ZNF148: variants seen among roughly 807,000 people sequenced by gnomAD.
ZNF148 encodes zinc finger protein 148.
In ZNF148, 7 loss-of-function variants were observed where a neutral mutation model predicts 67.7. The observed-to-expected ratio is 0.10, with a 90% CI of 0.06 to 0.19. ZNF148 has a LOEUF of 0.19. ZNF148 is among the 10% of genes least tolerant of loss of function. The pLI is 1.00. For missense variants in ZNF148, 583 were observed against 947.1 expected (o/e 0.62, Z 5.05); for synonymous variants, 333 against 330.7 (o/e 1.01, Z -0.08).
intron 4 of ZNF148, among the ~76,000 whole-genome samples, chr3:125,304,302 G>A (rs1289247570): frequency 1.3e-5 from 2 of 152,148 alleles, no homozygotes; most frequent in Non-Finnish European, 2.9e-5. Context: ...AGTCTAGATT[G>A]TGGGAAAAGG....
intron 1 of ZNF148, among the ~76,000 whole-genome samples, chr3:125,360,317 C>T (rs1000583495): frequency 6.6e-6 from 1 of 151,930 alleles, no homozygotes; most frequent in African/African-American, 2.4e-5. Flanking sequence ...GACAGGGTCT[C>T]ACTCTGTGGC....
At chr3:125,334,658 T>C (rs912967893) in intron 1 of ZNF148, among the ~76,000 whole-genome samples, 3 of 152,124 alleles carry the variant, frequency 2.0e-5, no homozygotes, top group African/African-American at 7.2e-5. Flanking sequence ...TTATTCACAT[T>C]TTACAGATGA....
intron 1 of ZNF148, among the ~76,000 whole-genome samples, chr3:125,336,462 G>C (rs1227470685): frequency 6.6e-6 from 1 of 152,136 alleles, no homozygotes; most frequent in Non-Finnish European, 1.5e-5. Context: ...TCTCTATAGA[G>C]TGACAATGCA....
At chr3:125,269,848 TA>T (rs1031316109) in intron 7 of ZNF148, among the ~76,000 whole-genome samples, 1 of 151,948 alleles carries the variant, frequency 6.6e-6, no homozygotes, top group Admixed American at 6.6e-5. Context: ...TGAATTAACA[TA>T]AAAAACAGAA....
intron 7 of ZNF148, among the ~76,000 whole-genome samples, chr3:125,258,313 T>C (rs1182732627): frequency 6.7e-6 from 1 of 150,256 alleles, no homozygotes; most frequent in East Asian, 2.0e-4. Flanking sequence ...TATTCCCAGC[T>C]ACTCGGGAGG....
At chr3:125,326,596 T>C (rs937432816) in intron 2 of ZNF148, among the ~76,000 whole-genome samples, 1 of 150,598 alleles carries the variant, frequency 6.6e-6, no homozygotes, top group Non-Finnish European at 1.5e-5. Context: ...TCTACCTGTA[T>C]CTATGCAAAG....
In ZNF148 at chr3:125,231,924, A is replaced by C. The variant is rs767191156; in HGVS notation, c.*417T>G. 3.7e-5 allele frequency: 6 copies of C among 160,800 alleles called. No individual in the cohort carries two copies. Among genetic ancestry groups the C allele is most frequent in the Non-Finnish European group, 5.5e-5 (4 of 72,646 alleles). 10.0% of individuals were successfully genotyped at this position (160,800 alleles called of 1,614,324 possible). A position where few individuals can be genotyped will look rare whatever the true frequency, so the allele number is the denominator to read the frequency against. On this transcript the variant is annotated 3_prime_UTR_variant, in exon 9 of 9. Coordinates refer to ENST00000360647, the MANE Select transcript of ZNF148 (RefSeq NM_021964.3). ...ACTTTTAAGTTCACTCTGTCTGTAAAGTATACTCAGATTCCCTGCTGAAGT... is the reference window on the plus strand; with the variant it reads ...ACTTTTAAGTTCACTCTGTCTGTAACGTATACTCAGATTCCCTGCTGAAGT...
rs926685585 is a variant in ZNF148 at position 125,277,772 on chromosome 3, A to G, written c.621T>C (p.Arg207=). 1 of 1,611,250 alleles carries G rather than the reference A, an allele frequency of 6.2e-7. No individual in the cohort carries two copies. The highest frequency in any genetic ancestry group is 8.5e-7 in the Non-Finnish European group (1 of 1,179,008). ...KPFQCSQCDM[R]FIQKYLLQRH... ...TCTGAAGCAGGTACTTCTGTATGAA[A>G]CGCATGTCACATTGACTACATTGAA... Residue 207 remains arginine, a synonymous_variant, in exon 7 of 9, where the codon CGT becomes CGC. Coordinates refer to ENST00000360647, the MANE Select transcript of ZNF148 (RefSeq NM_021964.3).
intron 1 of ZNF148, among the ~76,000 whole-genome samples, chr3:125,374,500 G>T (rs945517965): frequency 1.3e-5 from 2 of 151,742 alleles, no homozygotes; most frequent in African/African-American, 4.8e-5. Flanking sequence ...TCTGCACAAT[G>T]AACACCCCCC....
chr3:125,283,166 T>C (rs1403080582), intron 5 of ZNF148, among the ~76,000 whole-genome samples: 6 of 152,108 alleles, frequency 3.9e-5, no homozygotes, highest in African/African-American at 4.8e-5. Flanking sequence ...TCCAAAGATA[T>C]ACAAATAACA....
At chr3:125,276,677 G>A (rs1938094163) in intron 7 of ZNF148, among the ~76,000 whole-genome samples, 2 of 151,826 alleles carry the variant, frequency 1.3e-5, no homozygotes, top group African/African-American at 2.4e-5. Flanking sequence ...CAAGTGATCC[G>A]CCCACCTCAG....
At chr3:125,269,633 C>T (rs1181100195) in intron 7 of ZNF148, among the ~76,000 whole-genome samples, 1 of 152,060 alleles carries the variant, frequency 6.6e-6, no homozygotes, top group East Asian at 1.9e-4. Flanking sequence ...AAAAAAAATT[C>T]TACCGAATGA....
chr3:125,369,789 A>G (rs557010474), intron 1 of ZNF148, among the ~76,000 whole-genome samples: 2 of 152,302 alleles, frequency 1.3e-5, no homozygotes, highest in Admixed American at 1.3e-4. Context: ...CAGCCTGGCC[A>G]GAATGGTGAA....
chr3:125,332,597 C>A (rs534508792), intron 1 of ZNF148, among the ~76,000 whole-genome samples: 2 of 152,270 alleles, frequency 1.3e-5, no homozygotes, highest in Non-Finnish European at 2.9e-5. Flanking sequence ...ATCACAGTAG[C>A]CAAGCCTCAA....
intron 5 of ZNF148, among the ~76,000 whole-genome samples, chr3:125,284,740 T>A (rs1315114338): frequency 6.6e-6 from 1 of 152,132 alleles, no homozygotes; most frequent in East Asian, 1.9e-4. Context: ...TGTAGAAAAC[T>A]TACTTTCTTA....
Position 125,267,261 on chromosome 3 carries a change from A to G in ZNF148, c.667+10465T>C, listed in dbSNP as rs575816392. On this transcript the variant is annotated intron_variant, in intron 7 of 8. Coordinates refer to ENST00000360647, the MANE Select transcript of ZNF148 (RefSeq NM_021964.3). ...AAAATCTGGCAAAGACACAACGGGG[A>G]AAAAAAAAAACAAAACTAAAGGCCA... 4.1e-4 allele frequency among the ~76,000 whole-genome samples: 60 copies of G among 146,784 alleles called. No individual in the cohort carries two copies. In the East Asian group the frequency reaches 4.2e-3, roughly 10 times the overall value.
intron 4 of ZNF148, among the ~76,000 whole-genome samples, chr3:125,309,993 A>T (rs1193810628): frequency 4.6e-5 from 7 of 152,212 alleles, no homozygotes; most frequent in Non-Finnish European, 7.4e-5. Context: ...ACTACAACTA[A>T]TAACAGAATG....
intron 1 of ZNF148, among the ~76,000 whole-genome samples, chr3:125,374,001 C>A (rs994919055): frequency 1.3e-5 from 2 of 152,174 alleles, no homozygotes; most frequent in Non-Finnish European, 2.9e-5. Flanking sequence ...TCCATTCCAG[C>A]GTTTGCCAGG....
intron 7 of ZNF148, among the ~76,000 whole-genome samples, chr3:125,246,359 T>A (rs1313173695): frequency 6.6e-6 from 1 of 152,100 alleles, no homozygotes; most frequent in Non-Finnish European, 1.5e-5. Context: ...CAAAAAAAGA[T>A]CATGTACCAT....
Sources: gnomAD v4.1 joint callset for allele counts (sites outside exome capture counted in the v4.1 genomes callset) on GRCh38, gnomAD v4.1.1 for gene constraint, MANE v1.5 for transcripts, NCBI Gene and HGNC (gene_info 2026-07-23, HGNC 2026-07-21) for gene names.